The following F13B variants were observed in gnomAD, a reference collection of about 807,000 sequenced individuals.
The protein encoded by F13B is coagulation factor XIII B chain.
In F13B, 58 loss-of-function variants were observed where a neutral mutation model predicts 79.8. That is an observed-to-expected ratio of 0.73 (90% CI 0.59 to 0.90). The LOEUF (loss-of-function observed/expected upper bound fraction) is 0.90, where lower values mean the gene tolerates loss of function less well. F13B is among the 40% of genes least tolerant of loss of function. The pLI is 0.00. For missense variants in F13B, 773 were observed against 777.0 expected (o/e 0.99, Z 0.06); for synonymous variants, 283 against 260.3 (o/e 1.09, Z -0.84).
intron 2 of F13B, 50 bp downstream of exon 2, chr1:197,062,807 C>T: frequency 6.3e-7 from 1 of 1,579,942 alleles, no homozygotes; most frequent in Non-Finnish European, 8.7e-7. Context: ...TTTTTATATA[C>T]AAATTTCTTT....
At chr1:197,045,579 G>A (rs1411568900) in intron 10 of F13B, among the ~76,000 whole-genome samples, 4 of 151,086 alleles carry the variant, frequency 2.6e-5, no homozygotes, top group African/African-American at 4.9e-5. Flanking sequence ...TCTACCAAAG[G>A]TACAAAGAGG....
chr1:197,062,763 G>T lies in F13B; in HGVS notation c.265+94C>A, dbSNP rs1008206518. The T allele has an allele frequency of 3.3e-6, 4 of 1,218,388 alleles. No homozygotes were observed. In the African/African-American group the frequency reaches 4.5e-5, roughly 14 times the overall value. The allele number at this position is 1,218,388 out of a possible 1,614,324, so 75.5% of individuals were successfully genotyped here. ...GTGATTTTGTTCTTATCTACTAAAA[G>T]GTTTAACCGCTTTCCATTTTTATTG... is the stretch of plus-strand genomic sequence containing the variant. On this transcript the variant is annotated intron_variant, in intron 2 of 11. Transcript: ENST00000367412.
chr1:197,063,067 G>A lies in F13B; in HGVS notation c.65-10C>T, dbSNP rs749756418. On this transcript the variant is annotated splice_polypyrimidine_tract_variant and intron_variant, in intron 1 of 11. Coordinates refer to ENST00000367412, the MANE Select transcript of F13B (RefSeq NM_001994.3). Reference sequence around the variant, plus strand: ...AAACCACAGGGTTTCTCTGAAATGAGTAAATGTCAAGCTGAAAATGGAAAA... The same window carrying A: ...AAACCACAGGGTTTCTCTGAAATGAATAAATGTCAAGCTGAAAATGGAAAA... The A allele has an allele frequency of 1.9e-6, 3 of 1,604,980 alleles. No homozygotes were observed. The highest frequency in any genetic ancestry group is 2.6e-6 in the Non-Finnish European group (3 of 1,173,832).
Position 197,040,523 on chromosome 1 carries a change from T to C in F13B, c.1951A>G (p.Ser651Gly). 1 of 1,607,278 alleles carries C rather than the reference T, an allele frequency of 6.2e-7. No individual in the cohort carries two copies. Among genetic ancestry groups the C allele is most frequent in the Non-Finnish European group, 8.5e-7 (1 of 1,175,396 alleles). ...LKYPRCIPRQ[S>G]TLSYQEPLRT ...GACCAAAAAAAAAAAACTTCTTACCTTTGTCTTGGAATACATCTTGGATAT... is the reference window on the plus strand; with the variant it reads ...GACCAAAAAAAAAAAACTTCTTACCCTTGTCTTGGAATACATCTTGGATAT... Residue 651 changes from serine (S) to glycine (G), a missense_variant and splice_region_variant, in exon 11 of 12, where the codon AGC becomes GGC. Ser to Gly is a moderately conservative substitution (Grantham distance 56, BLOSUM62 0). Coordinates refer to ENST00000367412, the MANE Select transcript of F13B (RefSeq NM_001994.3).
chr1:197,057,130 TAG>T lies in F13B; in HGVS notation c.1052_1053del (p.Ser351Ter), dbSNP rs1655672080. ...ACTTTATCCCCATTGTAATAAATCT[TAG>T]AGTGTAAATTTGCTGCACCATTTTC... The part of the protein sequence containing the change: ...FIENGAANLH[S>X]KIYYNGDKVT... On this transcript the variant is annotated frameshift_variant, in exon 7 of 12. Coordinates refer to ENST00000367412, the MANE Select transcript of F13B (RefSeq NM_001994.3). LOFTEE classifies it high-confidence loss of function. The T allele has an allele frequency of 6.2e-7, 1 of 1,613,800 alleles. No homozygotes were observed. Among genetic ancestry groups the T allele is most frequent in the African/African-American group, 1.3e-5 (1 of 74,922 alleles).
chr1:197,046,773 T>C (rs902252452), intron 10 of F13B, among the ~76,000 whole-genome samples: 4 of 152,144 alleles, frequency 2.6e-5, no homozygotes, highest in African/African-American at 9.7e-5. Context: ...AATACAAGGC[T>C]ACAGTAACCA....
intron 1 of F13B, among the ~76,000 whole-genome samples, chr1:197,064,432 A>G (rs1346465046): frequency 6.6e-6 from 1 of 152,210 alleles, no homozygotes; most frequent in Non-Finnish European, 1.5e-5. Flanking sequence ...CTATGCATAC[A>G]ATGGAATATT....
chr1:197,041,916 CTTT>C (rs1655050887), intron 10 of F13B, among the ~76,000 whole-genome samples: 1 of 152,108 alleles, frequency 6.6e-6, no homozygotes, highest in Non-Finnish European at 1.5e-5. Flanking sequence ...TTTTTCCTTT[CTTT>C]TTAAGTTAAG....
chr1:197,043,955 G>A (rs1447105709), intron 10 of F13B, among the ~76,000 whole-genome samples: 2 of 151,972 alleles, frequency 1.3e-5, no homozygotes, highest in Non-Finnish European at 2.9e-5. Context: ...AGAACAAAAT[G>A]TACAAAGAGA....
Position 197,057,324 on chromosome 1 carries a change from CA to C in F13B, c.946del (p.Cys316ValfsTer19). The C allele has an allele frequency of 6.2e-7, 1 of 1,613,952 alleles. No homozygotes were observed. Among genetic ancestry groups the C allele is most frequent in the Non-Finnish European group, 8.5e-7 (1 of 1,179,926 alleles). ...FEIHGSAEIR[C>X]EDGKWTEPPK... ...AGGTTCTGTCCATTTTCCATCTTCA[CA>C]ACGTATTTCTGCTGACCCATGGATC... On this transcript the variant is annotated frameshift_variant, in exon 6 of 12. Coordinates refer to ENST00000367412, the MANE Select transcript of F13B (RefSeq NM_001994.3). LOFTEE classifies it high-confidence loss of function.
chr1:197,044,991 TG>T (rs1342155912), intron 10 of F13B, among the ~76,000 whole-genome samples: 1 of 152,050 alleles, frequency 6.6e-6, no homozygotes, highest in African/African-American at 2.4e-5. Flanking sequence ...CCAGAATCTC[TG>T]GGACACATTT....
At chr1:197,045,232 A>T (rs1047286807) in intron 10 of F13B, among the ~76,000 whole-genome samples, 2 of 152,078 alleles carry the variant, frequency 1.3e-5, no homozygotes, top group Admixed American at 1.3e-4. Context: ...CTGTTTTTTT[A>T]AAAAAGATAA....
intron 2 of F13B, 98 bp downstream of exon 2, chr1:197,062,759 A>G (rs900822299): frequency 6.0e-6 from 7 of 1,164,756 alleles, no homozygotes; most frequent in Admixed American, 3.5e-5. Context: ...CTTATCTACT[A>G]AAAGGTTTAA....
chr1:197,057,370 C>G lies in F13B; in HGVS notation c.901G>C (p.Glu301Gln), dbSNP rs1413323392. The change falls in exon 6 of 12, where the codon GAA becomes CAA. Residue 301 changes from glutamate (E) to glutamine (Q), a missense_variant. Transcript: ENST00000367412. ...TGGATCTCAAAATTAAGTTCACATT[C>G]TATATGAACTATTTCTCCATGACGA... ...TYRHGEIVHI[E>Q]CELNFEIHGS... 6.2e-7 allele frequency: 1 copy of G among 1,613,740 alleles called. No homozygotes were observed. The highest frequency in any genetic ancestry group is 2.2e-5 in the East Asian group (1 of 44,874).
At chr1:197,053,258 T>C (rs1655517135) in intron 8 of F13B, among the ~76,000 whole-genome samples, 1 of 152,036 alleles carries the variant, frequency 6.6e-6, no homozygotes, top group South Asian at 2.1e-4. Flanking sequence ...AAGACATGAA[T>C]TGTATAATTT....
At chr1:197,059,175 C>T (rs958553054) in intron 5 of F13B, among the ~76,000 whole-genome samples, 9 of 152,052 alleles carry the variant, frequency 5.9e-5, no homozygotes, top group Admixed American at 5.2e-4. Flanking sequence ...GAGATCGTGC[C>T]ACTGCACTCT....
At chr1:197,054,349 T>C (rs1655558908) in intron 8 of F13B, among the ~76,000 whole-genome samples, 1 of 151,938 alleles carries the variant, frequency 6.6e-6, no homozygotes, top group African/African-American at 2.4e-5. Flanking sequence ...AAACTTAATA[T>C]CAAAAACATT....
In F13B at chr1:197,056,994, G is replaced by A; in HGVS notation, c.1171+19C>T. On this transcript the variant is annotated intron_variant, in intron 7 of 11. Transcript: ENST00000367412. ...TACACCATAAGTTTAGCTACTGATG[G>A]TAAATGTAGCATACATACCAACACA... is the stretch of plus-strand genomic sequence containing the variant. The A allele has an allele frequency of 6.2e-7, 1 of 1,611,510 alleles. No homozygotes were observed. Among genetic ancestry groups the A allele is most frequent in the Non-Finnish European group, 8.5e-7 (1 of 1,178,678 alleles).
At chr1:197,057,756 A>C (rs1655701147) in intron 5 of F13B, among the ~76,000 whole-genome samples, 1 of 151,756 alleles carries the variant, frequency 6.6e-6, no homozygotes, top group Non-Finnish European at 1.5e-5. Context: ...TCTTGCCAAG[A>C]GACTCTCTAT....
Sources: allele counts gnomAD v4.1 joint callset (sites outside exome capture counted in the v4.1 genomes callset), GRCh38; gene constraint gnomAD v4.1.1; transcripts MANE v1.5; gene names NCBI Gene and HGNC (gene_info 2026-07-23, HGNC 2026-07-21).